SLIT2: variants seen among roughly 807,000 people sequenced by gnomAD.
SLIT2 encodes the protein slit guidance ligand 2.
A neutral mutation model predicts 185.7 loss-of-function variants in SLIT2; 41 were observed. The ratio of observed to expected loss-of-function variants is 0.22; its 90% CI spans 0.17 to 0.29. SLIT2 has a LOEUF of 0.29. SLIT2 is among the 10% of genes least tolerant of loss of function. The probability of loss-of-function intolerance (pLI) is 1.00; values close to 1 mark genes in which losing one functional copy is unlikely to be tolerated. For synonymous variants in SLIT2, 693 were observed against 680.2 expected (o/e 1.02, Z -0.29); for missense variants, 1,571 against 1,909.0 (o/e 0.82, Z 3.30).
intron 33 of SLIT2, among the ~76,000 whole-genome samples, chr4:20,605,610 G>A (rs780051394): frequency 2.0e-5 from 3 of 152,154 alleles, no homozygotes; most frequent in Non-Finnish European, 2.9e-5. Context: ...GGGTATGTAG[G>A]AGACAGCTGC....
chr4:20,320,340 T>C (rs1216389087), intron 4 of SLIT2, among the ~76,000 whole-genome samples: 3 of 152,174 alleles, frequency 2.0e-5, no homozygotes, highest in African/African-American at 4.8e-5. Context: ...ACAAGGATCC[T>C]TGGTGTCATG....
intron 4 of SLIT2, among the ~76,000 whole-genome samples, chr4:20,297,057 T>C (rs937219873): frequency 1.3e-5 from 2 of 152,206 alleles, no homozygotes; most frequent in Non-Finnish European, 2.9e-5. Flanking sequence ...TTTTTCCCGT[T>C]TTGAACCCAG....
chr4:20,495,246 G>T (rs1473432310), intron 9 of SLIT2, among the ~76,000 whole-genome samples: 1 of 152,188 alleles, frequency 6.6e-6, no homozygotes, highest in Non-Finnish European at 1.5e-5. Flanking sequence ...TTGTTGCTCT[G>T]TAATGGACAA....
At chr4:20,389,024 A>G (rs917503539) in intron 4 of SLIT2, among the ~76,000 whole-genome samples, 7 of 149,554 alleles carry the variant, frequency 4.7e-5, no homozygotes, top group Non-Finnish European at 1.0e-4. Context: ...GTTTAAAAAT[A>G]TATAGTTAGT....
chr4:20,437,683 C>G (rs190963283), intron 4 of SLIT2, among the ~76,000 whole-genome samples: 1 of 151,918 alleles, frequency 6.6e-6, no homozygotes, highest in East Asian at 1.9e-4. Context: ...GATGCTGAGG[C>G]GGGCGGATCA....
intron 4 of SLIT2, among the ~76,000 whole-genome samples, chr4:20,409,830 GA>G (rs1202785542): frequency 6.6e-6 from 1 of 152,002 alleles, no homozygotes; most frequent in Admixed American, 6.5e-5. Context: ...AGTGACGTTG[GA>G]TTTTTTTTCA....
intron 4 of SLIT2, among the ~76,000 whole-genome samples, chr4:20,285,083 A>G (rs1715136813): frequency 6.6e-6 from 1 of 152,172 alleles, no homozygotes; most frequent in South Asian, 2.1e-4. Context: ...TTCCCTGTAC[A>G]AGGGGTGGAG....
intron 4 of SLIT2, among the ~76,000 whole-genome samples, chr4:20,357,117 C>G (rs1321805131): frequency 6.6e-6 from 1 of 152,132 alleles, no homozygotes; most frequent in Non-Finnish European, 1.5e-5. Flanking sequence ...AAGTTAACAT[C>G]TACCACTGTC....
Position 20,541,614 on chromosome 4 carries a change from A to G in SLIT2, c.2138A>G (p.Asp713Gly), listed in dbSNP as rs1206142538. The G allele has an allele frequency of 6.2e-7, 1 of 1,613,718 alleles. No individual in the cohort carries two copies. The highest frequency in any genetic ancestry group is 8.5e-7 in the Non-Finnish European group (1 of 1,179,628). Residue 713 changes from aspartate to glycine, a missense_variant, in exon 20 of 37, where the codon GAT becomes GGT. Transcript: ENST00000504154. ...QDVAIQDFTC[D>G]DGNDDNSCSP... The stretch of plus-strand genomic sequence containing the variant: ...GTGGCCATTCAGGACTTCACTTGTG[A>G]TGACGGTAAGAAATACTTATCAACT...
chr4:20,261,692 A>T (rs916316562), intron 3 of SLIT2, among the ~76,000 whole-genome samples: 2 of 151,862 alleles, frequency 1.3e-5, no homozygotes, highest in African/African-American at 4.8e-5. Context: ...TTGTTATAGG[A>T]TGTTTTATTA....
chr4:20,470,086 A>G (rs1001026276), intron 5 of SLIT2, among the ~76,000 whole-genome samples: 3 of 151,972 alleles, frequency 2.0e-5, no homozygotes, highest in Non-Finnish European at 2.9e-5. Flanking sequence ...AACAATAGTT[A>G]TTTGGGTTTG....
At chr4:20,433,620 T>G (rs1262543288) in intron 4 of SLIT2, among the ~76,000 whole-genome samples, 1 of 152,216 alleles carries the variant, frequency 6.6e-6, no homozygotes, top group African/African-American at 2.4e-5. Flanking sequence ...AGGAAACAGT[T>G]TGAAACTAAC....
intron 4 of SLIT2, among the ~76,000 whole-genome samples, chr4:20,327,176 A>T (rs1338390599): frequency 1.3e-5 from 2 of 151,974 alleles, no homozygotes; most frequent in African/African-American, 4.8e-5. Flanking sequence ...TTTTTTCCTG[A>T]CTTTTCTAAT....
intron 4 of SLIT2, chr4:20,394,555 A>C (rs1725725360): frequency 2.6e-5 from 4 of 151,908 alleles, no homozygotes; most frequent in Admixed American, 2.0e-4. Flanking sequence ...GTATCCTGCT[A>C]TTCTTCCAAC....
chr4:20,257,765 A>T, intron 2 of SLIT2, 103 bp from the exon 3 acceptor site: 1 of 707,042 alleles, frequency 1.4e-6, no homozygotes. Flanking sequence ...GCACAATTTA[A>T]CTTTATAAAG....
At chr4:20,269,992 T>C (rs1713435503) in intron 4 of SLIT2, among the ~76,000 whole-genome samples, 1 of 151,952 alleles carries the variant, frequency 6.6e-6, no homozygotes, top group African/African-American at 2.4e-5. Flanking sequence ...CCTCTAAGGA[T>C]AGCTAAAATC....
chr4:20,591,381 A>G (rs941454615), intron 30 of SLIT2, among the ~76,000 whole-genome samples: 1 of 152,142 alleles, frequency 6.6e-6, no homozygotes, highest in African/African-American at 2.4e-5. Context: ...ATATCAATCT[A>G]AATTAAATAT....
At chr4:20,565,355 T>A (rs1725008248) in intron 26 of SLIT2, among the ~76,000 whole-genome samples, 1 of 152,036 alleles carries the variant, frequency 6.6e-6, no homozygotes, top group Admixed American at 6.6e-5. Flanking sequence ...TTAGGTTCTT[T>A]CCTGTAAACT....
intron 29 of SLIT2, chr4:20,573,193 T>A: frequency 1.4e-6 from 1 of 702,938 alleles, no homozygotes; most frequent in Non-Finnish European, 2.6e-6. Context: ...TGTATTGCAA[T>A]GTAAAAAGTC....
Sources: allele counts gnomAD v4.1 joint callset (sites outside exome capture counted in the v4.1 genomes callset), GRCh38; gene constraint gnomAD v4.1.1; transcripts MANE v1.5; gene names NCBI Gene and HGNC (gene_info 2026-07-23, HGNC 2026-07-21).